The following DCC variants were observed in gnomAD, a reference collection of about 807,000 sequenced individuals.
DCC encodes DCC netrin 1 receptor.
Under a neutral mutation model 172.5 loss-of-function variants are expected in DCC, and 58 were observed. The observed-to-expected ratio is 0.34, with a 90% CI of 0.27 to 0.42. The LOEUF (loss-of-function observed/expected upper bound fraction) is 0.42, where lower values mean the gene tolerates loss of function less well. Ranked by LOEUF, DCC falls within the 10% of genes least tolerant of loss-of-function variation. DCC has a pLI of 1.00. For synonymous variants in DCC, 709 were observed against 644.5 expected (o/e 1.10, Z -1.52); for missense variants, 1,740 against 1,791.0 (o/e 0.97, Z 0.51).
chr18:52,377,674 C>T (rs1449554769), intron 1 of DCC, among the ~76,000 whole-genome samples: 1 of 141,448 alleles, frequency 7.1e-6, no homozygotes, highest in East Asian at 2.0e-4. Context: ...AACAAAACAA[C>T]AGAAAAAAAA....
intron 1 of DCC, among the ~76,000 whole-genome samples, chr18:52,649,471 T>G (rs945782458): frequency 3.3e-5 from 5 of 151,898 alleles, no homozygotes; most frequent in African/African-American, 1.2e-4. Context: ...ATAAATGCAG[T>G]TTTGTTACAT....
At chr18:53,500,519 C>T (rs1257506334) in intron 27 of DCC, among the ~76,000 whole-genome samples, 2 of 151,752 alleles carry the variant, frequency 1.3e-5, no homozygotes, top group African/African-American at 4.8e-5. Context: ...GTACACAAGC[C>T]ACATAATGAC....
At chr18:52,622,025 ACACT>A (rs781129702) in intron 1 of DCC, among the ~76,000 whole-genome samples, 1 of 152,194 alleles carries the variant, frequency 6.6e-6, no homozygotes, top group Non-Finnish European at 1.5e-5. Flanking sequence ...TTCCGTGAAC[ACACT>A]CACAGAGAAA....
intron 1 of DCC, among the ~76,000 whole-genome samples, chr18:52,348,477 T>C (rs1043878238): frequency 6.6e-6 from 1 of 152,218 alleles, no homozygotes; most frequent in Non-Finnish European, 1.5e-5. Context: ...TATTTTCATA[T>C]GCTTAATTTG....
At chr18:52,867,823 C>T (rs978354461) in intron 2 of DCC, among the ~76,000 whole-genome samples, 2 of 152,054 alleles carry the variant, frequency 1.3e-5, no homozygotes, top group African/African-American at 2.4e-5. Flanking sequence ...GTAGACTTCA[C>T]TGTGAATCCT....
In DCC at chr18:53,137,404, C is replaced by T. The variant is rs547721406; in HGVS notation, c.1262-19952C>T. ...TCCTCAGAACTTTGAGGCCACTCAG[C>T]GTTCCTGGCCATGTAGCCTCTCCAT... On this transcript the variant is annotated intron_variant, in intron 7 of 28. Transcript: ENST00000442544. Among the ~76,000 whole-genome samples, 24 of 152,308 alleles carry T rather than the reference C, an allele frequency of 1.6e-4. No individual in the cohort carries two copies. The South Asian group carries it at 3.5e-3, about 22-fold the overall frequency.
chr18:53,333,785 C>G (rs770388026), intron 14 of DCC, among the ~76,000 whole-genome samples: 1 of 152,184 alleles, frequency 6.6e-6, no homozygotes, highest in Non-Finnish European at 1.5e-5. Context: ...CACACTATAT[C>G]TGTATTCATA....
chr18:52,967,727 TG>T (rs752473542), intron 5 of DCC, among the ~76,000 whole-genome samples: 2 of 152,174 alleles, frequency 1.3e-5, no homozygotes, highest in South Asian at 2.1e-4. Flanking sequence ...TCAATATGTT[TG>T]CCTCCTGATA....
chr18:52,503,310 C>A (rs1005775000), intron 1 of DCC, among the ~76,000 whole-genome samples: 2 of 152,100 alleles, frequency 1.3e-5, no homozygotes, highest in Non-Finnish European at 2.9e-5. Flanking sequence ...GTGTTTTATG[C>A]AAACTGGGAC....
At chr18:53,319,231 CATG>C (rs1393034773) in intron 13 of DCC, among the ~76,000 whole-genome samples, 2 of 152,170 alleles carry the variant, frequency 1.3e-5, no homozygotes, top group African/African-American at 4.8e-5. Context: ...CAGCTAGCAT[CATG>C]ATGACAGGAT....
intron 7 of DCC, among the ~76,000 whole-genome samples, chr18:53,126,388 C>T (rs149045136): frequency 5.1e-4 from 77 of 152,228 alleles, no homozygotes; most frequent in African/African-American, 1.8e-3. Flanking sequence ...ACAGATGATG[C>T]AACCTTTGCA....
At position 53,452,853 on chromosome 18, in the gene DCC, G is replaced by GTTTC. The variant is rs201359649; in HGVS notation, c.3392+2192_3392+2195dup. Among the ~76,000 whole-genome samples the GTTTC allele has an allele frequency of 8.8e-3, 1,340 of 152,166 alleles. 15 individuals carry two copies. Among genetic ancestry groups the GTTTC allele is most frequent in the Middle Eastern group, 0.068 (20 of 294 alleles). ...ATATTTTCATAGAGAAAAAGAAAAT[G>GTTTC]TTTCCTTCAAGTTATTTCTGAACTA... On this transcript the variant is annotated intron_variant, in intron 23 of 28. Coordinates refer to ENST00000442544, the MANE Select transcript of DCC (RefSeq NM_005215.4).
intron 5 of DCC, among the ~76,000 whole-genome samples, chr18:53,032,860 G>T (rs1278152676): frequency 1.3e-5 from 2 of 152,094 alleles, no homozygotes; most frequent in Non-Finnish European, 2.9e-5. Context: ...ACTAACACTT[G>T]AGGTGGAAAT....
At chr18:52,654,828 G>T (rs142335742) in intron 1 of DCC, among the ~76,000 whole-genome samples, 1 of 152,034 alleles carries the variant, frequency 6.6e-6, no homozygotes. Context: ...TGAAATCCAG[G>T]CATGATAGTT....
At chr18:52,526,559 G>A (rs1021776588) in intron 1 of DCC, among the ~76,000 whole-genome samples, 6 of 152,026 alleles carry the variant, frequency 3.9e-5, no homozygotes, top group Non-Finnish European at 8.8e-5. Context: ...TCTATCTCAT[G>A]TCATCATGGG....
At chr18:52,584,358 T>C (rs1265997934) in intron 1 of DCC, among the ~76,000 whole-genome samples, 1 of 152,092 alleles carries the variant, frequency 6.6e-6, no homozygotes, top group Non-Finnish European at 1.5e-5. Context: ...GAACATTAGA[T>C]CCAACATTAT....
At chr18:52,599,845 AT>A (rs1368460148) in intron 1 of DCC, among the ~76,000 whole-genome samples, 1 of 152,052 alleles carries the variant, frequency 6.6e-6, no homozygotes, top group African/African-American at 2.4e-5. Flanking sequence ...GCAAAAAAAA[AT>A]CTTAGCTTGA....
At chr18:53,426,437 T>TG (rs1193517640) in intron 21 of DCC, among the ~76,000 whole-genome samples, 6 of 50,822 alleles carry the variant, frequency 1.2e-4, no homozygotes, top group Admixed American at 3.6e-4. Context: ...ATATTTATAT[T>TG]ATTTATATAT....
intron 1 of DCC, among the ~76,000 whole-genome samples, chr18:52,676,203 C>A (rs910537103): frequency 6.6e-6 from 1 of 152,288 alleles, no homozygotes; most frequent in Middle Eastern, 3.4e-3. Flanking sequence ...CAGCTAAGAA[C>A]TTTGGAGTCT....
Sources: allele counts gnomAD v4.1 joint callset (sites outside exome capture counted in the v4.1 genomes callset), GRCh38; gene constraint gnomAD v4.1.1; transcripts MANE v1.5; gene names NCBI Gene and HGNC (gene_info 2026-07-23, HGNC 2026-07-21).